SCAMP1: variants seen among roughly 807,000 people sequenced by gnomAD.
SCAMP1 encodes secretory carrier-associated membrane protein 1.
A neutral mutation model predicts 41.8 loss-of-function variants in SCAMP1; 15 were observed. The ratio of observed to expected loss-of-function variants is 0.36; its 90% CI spans 0.24 to 0.55. The LOEUF is 0.55. Among genes scored for constraint, SCAMP1 ranks in the 20% least tolerant of loss-of-function variants. SCAMP1 has a pLI of 0.86. For missense variants in SCAMP1, 341 were observed against 412.6 expected (o/e 0.83, Z 1.50); for synonymous variants, 135 against 136.8 (o/e 0.99, Z 0.09).
chr5:78,459,650 C>G (rs1753533712), intron 8 of SCAMP1, among the ~76,000 whole-genome samples: 2 of 152,026 alleles, frequency 1.3e-5, no homozygotes, highest in African/African-American at 4.8e-5. Context: ...TTTAAATATA[C>G]TCTAAATTTC....
chr5:78,461,063 C>T (rs1270991631), intron 8 of SCAMP1, among the ~76,000 whole-genome samples: 1 of 152,010 alleles, frequency 6.6e-6, no homozygotes, highest in African/African-American at 2.4e-5. Context: ...ACCATGTTGG[C>T]CAGCCTGGCC....
At chr5:78,400,321 C>G (rs1751766424) in intron 2 of SCAMP1, among the ~76,000 whole-genome samples, 1 of 152,182 alleles carries the variant, frequency 6.6e-6, no homozygotes, top group Non-Finnish European at 1.5e-5. Flanking sequence ...CTTTATTCTT[C>G]TCTTTCCATA....
chr5:78,401,917 G>T (rs890323815), intron 2 of SCAMP1, among the ~76,000 whole-genome samples: 2 of 151,956 alleles, frequency 1.3e-5, no homozygotes, highest in Non-Finnish European at 2.9e-5. Flanking sequence ...TGGAAACTTG[G>T]AGTATGGATT....
At chr5:78,418,145 A>T (rs140952651) in intron 4 of SCAMP1, among the ~76,000 whole-genome samples, 1 of 151,940 alleles carries the variant, frequency 6.6e-6, no homozygotes, top group African/African-American at 2.4e-5. Flanking sequence ...TAAAGGTTCT[A>T]TAATTCTTCA....
At chr5:78,421,698 A>G (rs1752343284) in intron 5 of SCAMP1, 103 bp from the exon 6 acceptor site, 1 of 944,240 alleles carries the variant, frequency 1.1e-6, no homozygotes, top group Non-Finnish European at 1.6e-6. Flanking sequence ...AGTAGAATAC[A>G]TTTGCTCTTA....
chr5:78,360,863 C>T, intron 1 of SCAMP1, 135 bp downstream of exon 1: 1 of 859,590 alleles, frequency 1.2e-6, no homozygotes, highest in Admixed American at 2.3e-5. Context: ...GGCCGCCGTC[C>T]TCCATTTGGG....
intron 6 of SCAMP1, among the ~76,000 whole-genome samples, chr5:78,443,408 A>G (rs1752977126): frequency 6.6e-6 from 1 of 152,084 alleles, no homozygotes; most frequent in East Asian, 1.9e-4. Context: ...TGTGTTTGAC[A>G]TAGTGCTTGG....
chr5:78,422,819 A>T lies in SCAMP1; in HGVS notation c.632+859A>T, dbSNP rs540033121. 3.0e-3 allele frequency among the ~76,000 whole-genome samples: 456 copies of T among 152,318 alleles called. 5 individuals are homozygous for T. The highest frequency in any genetic ancestry group is 0.011 in the African/African-American group (439 of 41,566). On this transcript the variant is annotated intron_variant, in intron 6 of 8. Coordinates refer to ENST00000621999, the MANE Select transcript of SCAMP1 (RefSeq NM_004866.6). ...TATATTTAATAGTTTTTTTAAACTC[A>T]TTTTTATTTGAGTAAATTCTTGTGA...
chr5:78,375,884 G>T (rs562908812), intron 1 of SCAMP1, among the ~76,000 whole-genome samples: 1 of 151,996 alleles, frequency 6.6e-6, no homozygotes, highest in South Asian at 2.1e-4. Flanking sequence ...AATTTCTGCC[G>T]CATATGCAAT....
chr5:78,392,279 A>G (rs922715384), intron 2 of SCAMP1, among the ~76,000 whole-genome samples: 1 of 152,174 alleles, frequency 6.6e-6, no homozygotes. Context: ...TTCAAAATTG[A>G]TATTTTAAAT....
intron 1 of SCAMP1, among the ~76,000 whole-genome samples, chr5:78,371,913 G>A (rs1750952428): frequency 6.6e-6 from 1 of 152,170 alleles, no homozygotes; most frequent in African/African-American, 2.4e-5. Flanking sequence ...GAGTATTGCT[G>A]AAATCAAATT....
chr5:78,427,071 G>A (rs1034376386), intron 6 of SCAMP1, among the ~76,000 whole-genome samples: 6 of 152,132 alleles, frequency 3.9e-5, no homozygotes, highest in Non-Finnish European at 7.4e-5. Context: ...ACCTGAGGCT[G>A]GGTAATTTAT....
In SCAMP1 at chr5:78,478,494, G is replaced by A. The variant is rs1271548264; in HGVS notation, c.*2826G>A. On this transcript the variant is annotated 3_prime_UTR_variant, in exon 9 of 9. Coordinates refer to ENST00000621999, the MANE Select transcript of SCAMP1 (RefSeq NM_004866.6). ...TTGCATTAGACCTTTACAGGTAATG[G>A]AACATGAGCTTCACCCATATTAAAT... is the stretch of plus-strand genomic sequence containing the variant. The A allele has an allele frequency of 1.3e-5, 2 of 152,262 alleles. No homozygotes were observed. Among genetic ancestry groups the A allele is most frequent in the Non-Finnish European group, 2.9e-5 (2 of 67,954 alleles). The allele number at this position is 152,262 out of a possible 1,614,324, so 9.4% of individuals were successfully genotyped here.
chr5:78,442,361 C>T (rs1752946315), intron 6 of SCAMP1, among the ~76,000 whole-genome samples: 1 of 152,146 alleles, frequency 6.6e-6, no homozygotes, highest in African/African-American at 2.4e-5. Context: ...ACCTCAGCCT[C>T]CTGGGTTCAA....
In SCAMP1 at chr5:78,476,968, C is replaced by T. The variant is rs1250747334; in HGVS notation, c.*1300C>T. ...ATTTTACCACTGATTAAATAAATGA[C>T]TCAAAGACATCTGTAAGTCATGCTG... On this transcript the variant is annotated 3_prime_UTR_variant, in exon 9 of 9. Transcript: ENST00000621999. 6.6e-6 allele frequency: 1 copy of T among 152,096 alleles called. No individual in the cohort carries two copies. The highest frequency in any genetic ancestry group is 2.4e-5 in the African/African-American group (1 of 41,434). 9.4% of individuals were successfully genotyped at this position (152,096 alleles called of 1,614,324 possible). A position where few individuals can be genotyped will look rare whatever the true frequency, so the allele number is the denominator to read the frequency against.
intron 2 of SCAMP1, among the ~76,000 whole-genome samples, chr5:78,399,539 T>G (rs1393708826): frequency 2.0e-5 from 3 of 152,232 alleles, no homozygotes; most frequent in Non-Finnish European, 4.4e-5. Context: ...TGTCATTGTT[T>G]TAGTTTGCAT....
chr5:78,472,373 C>T (rs568220356), intron 8 of SCAMP1, among the ~76,000 whole-genome samples: 17 of 152,070 alleles, frequency 1.1e-4, no homozygotes, highest in South Asian at 8.3e-4. Context: ...TTTCTCCTAA[C>T]GCTATGCCTC....
chr5:78,384,636 C>G (rs1751298137), intron 1 of SCAMP1, among the ~76,000 whole-genome samples: 1 of 151,936 alleles, frequency 6.6e-6, no homozygotes. Flanking sequence ...CCCTTTTATG[C>G]CGATTTTGCT....
chr5:78,446,466 G>T (rs917585896), intron 6 of SCAMP1, among the ~76,000 whole-genome samples: 1 of 151,736 alleles, frequency 6.6e-6, no homozygotes, highest in Non-Finnish European at 1.5e-5. Flanking sequence ...TTAATAGTCT[G>T]GTTTCTTGGC....
Sources: allele counts gnomAD v4.1 joint callset (sites outside exome capture counted in the v4.1 genomes callset), GRCh38; gene constraint gnomAD v4.1.1; transcripts MANE v1.5; gene names NCBI Gene and HGNC (gene_info 2026-07-23, HGNC 2026-07-21).